The following SCLT1 variants were observed in gnomAD, a reference collection of about 807,000 sequenced individuals.
SCLT1 encodes sodium channel and clathrin linker 1.
SCLT1 carries 78 observed loss-of-function variants against 112.8 expected under a neutral mutation model. The observed-to-expected ratio is 0.69, with a 90% confidence interval of 0.58 to 0.83. SCLT1 has a LOEUF of 0.83. SCLT1 is among the 40% of genes least tolerant of loss of function. The pLI is 0.00. For synonymous variants in SCLT1, 257 were observed against 254.7 expected (o/e 1.01, Z -0.09); for missense variants, 747 against 770.4 (o/e 0.97, Z 0.36).
In SCLT1 at chr4:129,057,749, CT is replaced by C. The variant is rs996397740; in HGVS notation, c.103-13699del. The stretch of plus-strand genomic sequence containing the variant: ...CTATTGATCCTTTGTATTTGTATTT[CT>C]TTTTTTTTTCTTTTTTTTTGAGAGG... On this transcript the variant is annotated intron_variant, in intron 2 of 20. Transcript: ENST00000281142. Among the ~76,000 whole-genome samples the C allele has an allele frequency of 4.7e-4, 69 of 145,428 alleles. 1 individual carries two copies. Among genetic ancestry groups the C allele is most frequent in the Admixed American group, 1.4e-3 (20 of 14,544 alleles).
rs181206316 is a variant in SCLT1, at chr4:128,907,214, G to A, written c.1830-16077C>T. Among the ~76,000 whole-genome samples, 27 of 152,310 alleles carry A rather than the reference G, an allele frequency of 1.8e-4. No homozygotes were observed. The South Asian group carries it at 5.6e-3, about 32-fold the overall frequency. The stretch of plus-strand genomic sequence containing the variant: ...CAAAGAACCTTATAAGTCGTAACAG[G>A]AAATTGGCACTGAAGTATTTTAAGA... On this transcript the variant is annotated intron_variant, in intron 18 of 20. Coordinates refer to ENST00000281142, the MANE Select transcript of SCLT1 (RefSeq NM_144643.4).
At chr4:128,899,258 C>G (rs372704802) in intron 18 of SCLT1, among the ~76,000 whole-genome samples, 1 of 152,034 alleles carries the variant, frequency 6.6e-6, no homozygotes, top group Non-Finnish European at 1.5e-5. Flanking sequence ...TGATGAACAT[C>G]GATGCAAAAA....
chr4:128,942,077 G>T (rs963255262), intron 17 of SCLT1, among the ~76,000 whole-genome samples: 1 of 151,882 alleles, frequency 6.6e-6, no homozygotes, highest in East Asian at 1.9e-4. Flanking sequence ...TGGCGGTATG[G>T]GTCCTCTCCT....
chr4:128,929,203 C>T (rs1490213702), intron 18 of SCLT1, among the ~76,000 whole-genome samples: 1 of 152,156 alleles, frequency 6.6e-6, no homozygotes, highest in African/African-American at 2.4e-5. Context: ...ATAGCTTTCA[C>T]ATTTCTGTGT....
chr4:128,991,800 A>T (rs1010488531), intron 9 of SCLT1, among the ~76,000 whole-genome samples: 4 of 151,856 alleles, frequency 2.6e-5, no homozygotes, highest in Non-Finnish European at 5.9e-5. Context: ...ACAATAAAAA[A>T]TAAAAATTTT....
At chr4:129,007,751 A>T (rs1352262060) in intron 5 of SCLT1, among the ~76,000 whole-genome samples, 1 of 152,292 alleles carries the variant, frequency 6.6e-6, no homozygotes, top group Middle Eastern at 3.4e-3. Flanking sequence ...ATCTGGGTTT[A>T]TATCTACTAC....
At chr4:129,040,867 A>G (rs1403801620) in intron 4 of SCLT1, among the ~76,000 whole-genome samples, 8 of 152,120 alleles carry the variant, frequency 5.3e-5, no homozygotes, top group Non-Finnish European at 8.8e-5. Flanking sequence ...TAAAAGAAGG[A>G]GCAATTATTT....
At chr4:129,071,745 T>C (rs550877603) in intron 2 of SCLT1, among the ~76,000 whole-genome samples, 2 of 152,334 alleles carry the variant, frequency 1.3e-5, no homozygotes, top group Admixed American at 6.5e-5. Flanking sequence ...TGAGTTGTTA[T>C]CCATTCTGCA....
rs558956833 is a variant in SCLT1 at position 129,023,899 on chromosome 4, C to A, written c.290+15142G>T. On this transcript the variant is annotated intron_variant, in intron 5 of 20. Coordinates refer to ENST00000281142, the MANE Select transcript of SCLT1 (RefSeq NM_144643.4). ...CCAGGAGATTATATCCCGCACCTGG[C>A]TTGGAGGGTCCTACGCCCACGGAGT... Among the ~76,000 whole-genome samples, 15 of 152,338 alleles carry A rather than the reference C, an allele frequency of 9.8e-5. No homozygotes were observed. In the South Asian group the frequency reaches 2.9e-3, roughly 29 times the overall value.
At chr4:129,038,179 AAAC>A (rs1263378845) in intron 5 of SCLT1, 1 of 154,070 alleles carries the variant, frequency 6.5e-6, no homozygotes, top group Non-Finnish European at 1.5e-5. Flanking sequence ...ATGCAAATTA[AAAC>A]AACAATAAAA....
At chr4:128,986,073 G>C (rs892251606) in intron 9 of SCLT1, among the ~76,000 whole-genome samples, 1 of 152,192 alleles carries the variant, frequency 6.6e-6, no homozygotes, top group African/African-American at 2.4e-5. Context: ...AAGGAAAGAG[G>C]TACCGATGAG....
intron 10 of SCLT1, among the ~76,000 whole-genome samples, chr4:128,968,954 T>C (rs764025223): frequency 1.3e-5 from 2 of 152,208 alleles, no homozygotes; most frequent in Admixed American, 1.3e-4. Context: ...TCCAGCTGCC[T>C]TTCCAGCTTT....
chr4:128,944,202 T>C (rs540799960), intron 16 of SCLT1, among the ~76,000 whole-genome samples: 2 of 152,278 alleles, frequency 1.3e-5, no homozygotes, highest in African/African-American at 2.4e-5. Flanking sequence ...ATTCCCGCAA[T>C]ACTCATAGTC....
chr4:128,994,674 G>A (rs1352974586), intron 8 of SCLT1, among the ~76,000 whole-genome samples: 1 of 151,966 alleles, frequency 6.6e-6, no homozygotes, highest in Admixed American at 6.6e-5. Context: ...TCTTCAACAC[G>A]TGTTGTCTTT....
intron 10 of SCLT1, among the ~76,000 whole-genome samples, chr4:128,969,977 C>G (rs1740548792): frequency 1.3e-5 from 2 of 152,142 alleles, no homozygotes; most frequent in African/African-American, 4.8e-5. Context: ...CCTTGACATC[C>G]TTCTGAAATT....
At chr4:129,028,051 TCCATG>T (rs1746296284) in intron 5 of SCLT1, among the ~76,000 whole-genome samples, 1 of 152,082 alleles carries the variant, frequency 6.6e-6, no homozygotes, top group African/African-American at 2.4e-5. Flanking sequence ...GGAAGAACAT[TCCATG>T]CTCATGGGCA....
chr4:129,089,779 C>T (rs781114095), intron 1 of SCLT1, among the ~76,000 whole-genome samples: 17 of 152,166 alleles, frequency 1.1e-4, no homozygotes, highest in African/African-American at 2.9e-4. Context: ...CACCAAACAC[C>T]GCATATTCTC....
At position 129,005,025 on chromosome 4, in the gene SCLT1, T is replaced by G. The variant is rs181339186; in HGVS notation, c.291-1149A>C. ...GAAATATAACAAGTTTTAGAAAAGATACCCCAAGTCCTATGAAAAAAACCA... is the reference window on the plus strand; with the variant it reads ...GAAATATAACAAGTTTTAGAAAAGAGACCCCAAGTCCTATGAAAAAAACCA... On this transcript the variant is annotated intron_variant, in intron 5 of 20. Coordinates refer to ENST00000281142, the MANE Select transcript of SCLT1 (RefSeq NM_144643.4). 2.9e-3 allele frequency among the ~76,000 whole-genome samples: 435 copies of G among 152,008 alleles called. 3 individuals carry two copies. Among genetic ancestry groups the G allele is most frequent in the Non-Finnish European group, 4.7e-3 (316 of 67,904 alleles).
intron 9 of SCLT1, among the ~76,000 whole-genome samples, chr4:128,980,340 A>G (rs976743253): frequency 1.3e-5 from 2 of 152,232 alleles, no homozygotes; most frequent in African/African-American, 2.4e-5. Flanking sequence ...CTTTTAAAAA[A>G]TAAGATAGTA....
Sources: allele counts gnomAD v4.1 joint callset (sites outside exome capture counted in the v4.1 genomes callset), GRCh38; gene constraint gnomAD v4.1.1; transcripts MANE v1.5; gene names NCBI Gene and HGNC (gene_info 2026-07-23, HGNC 2026-07-21).